KIF13A: variants seen among roughly 807,000 people sequenced by gnomAD.
KIF13A encodes kinesin-like protein KIF13A.
A neutral mutation model predicts 212.2 loss-of-function variants in KIF13A; 79 were observed. That is an observed-to-expected ratio of 0.37 (90% CI 0.31 to 0.45). The LOEUF is 0.45. KIF13A is among the 20% of genes least tolerant of loss of function. The pLI, the probability that KIF13A is intolerant of heterozygous loss-of-function variation, is 1.00. For missense variants in KIF13A, 1,901 were observed against 2,209.0 expected (o/e 0.86, Z 2.79); for synonymous variants, 789 against 808.6 (o/e 0.98, Z 0.41).
At chr6:17,866,828 CATATATATAT>C (rs60217235) in intron 4 of KIF13A, among the ~76,000 whole-genome samples, 402 of 22,842 alleles carry the variant, frequency 0.018, 3 homozygotes, top group African/African-American at 0.032. Flanking sequence ...AAAAGCAGCG[CATATATATAT>C]ATATATATAT....
chr6:17,861,120 A>T (rs1391805416), intron 4 of KIF13A, among the ~76,000 whole-genome samples: 1 of 152,220 alleles, frequency 6.6e-6, no homozygotes, highest in Non-Finnish European at 1.5e-5. Context: ...CATATTTAGT[A>T]AAGTTTTATT....
intron 2 of KIF13A, among the ~76,000 whole-genome samples, chr6:17,956,845 AC>A (rs1363782234): frequency 3.3e-5 from 5 of 152,000 alleles, no homozygotes; most frequent in Non-Finnish European, 7.4e-5. Context: ...GAGTTTCCCC[AC>A]TCAGTCTACT....
rs746579919 is a variant in KIF13A at position 17,786,324 on chromosome 6, C to T, written c.3362-683G>A. On this transcript the variant is annotated intron_variant, in intron 27 of 38. Coordinates refer to ENST00000259711, the MANE Select transcript of KIF13A (RefSeq NM_022113.6). This position sits in a 1 kb window ranked among gnomAD's most constrained non-coding sequence, Gnocchi z 5.4. ...GGATTAAAAAACACCATAGGCCGGG[C>T]ACGGTGGCTCACGGCTGTAACCCCA... Among the ~76,000 whole-genome samples, 1 of 152,164 alleles carries T rather than the reference C, an allele frequency of 6.6e-6. No homozygotes were observed. The highest frequency in any genetic ancestry group is 1.5e-5 in the Non-Finnish European group (1 of 68,034).
intron 26 of KIF13A, among the ~76,000 whole-genome samples, 192 bp from the exon 27 acceptor site, chr6:17,788,067 T>C (rs1468559487): frequency 2.0e-5 from 3 of 152,172 alleles, no homozygotes; most frequent in Non-Finnish European, 2.9e-5. Flanking sequence ...AGGATGCTGT[T>C]ACCCAGAAAT....
intron 2 of KIF13A, among the ~76,000 whole-genome samples, chr6:17,959,550 A>C (rs371559256): frequency 1.4e-3 from 218 of 152,358 alleles, no homozygotes; most frequent in African/African-American, 5.0e-3. Flanking sequence ...AGAAACAGGC[A>C]GTCAGTGTAA....
intron 4 of KIF13A, among the ~76,000 whole-genome samples, chr6:17,859,639 T>TATATATATATATA (rs201918014): frequency 1.4e-5 from 1 of 72,820 alleles, no homozygotes; most frequent in African/African-American, 7.7e-5. Flanking sequence ...TATATATATA[T>TATATATATATATA]TTTTTTTTTT....
chr6:17,829,717 A>T lies in KIF13A; in HGVS notation c.1402-1347T>A, dbSNP rs888062129. On this transcript the variant is annotated intron_variant, in intron 13 of 38. Transcript: ENST00000259711. This position sits in a 1 kb window ranked among gnomAD's most constrained non-coding sequence, Gnocchi z 5.4. ...TTTCAAAATCAGGATTTCAGAGACA[A>T]TTCCTTACCCCTACTCATTGCCTAA... 4.9e-4 allele frequency among the ~76,000 whole-genome samples: 75 copies of T among 152,286 alleles called. No homozygotes were observed. Among genetic ancestry groups the T allele is most frequent in the African/African-American group, 1.7e-3 (70 of 41,578 alleles).
At position 17,799,996 on chromosome 6, in the gene KIF13A, T is replaced by C. The variant is rs1159821821; in HGVS notation, c.2572A>G (p.Ser858Gly). The C allele has an allele frequency of 6.2e-7, 1 of 1,614,038 alleles. No homozygotes were observed. Among genetic ancestry groups the C allele is most frequent in the Admixed American group, 1.7e-5 (1 of 60,024 alleles). ...SESGSLEVVD[S>G]SGEIIHRVKK... is the part of the protein sequence containing the mutation. ...ACTCGGTGAATGATTTCCCCGCTGC[T>C]GTCTACGACTTCAAGGCTCCCACTT... Residue 858 changes from serine (S) to glycine (G), a missense_variant, in exon 21 of 39, where the codon AGC becomes GGC. This residue lies in a region of KIF13A where 534 missense variants were observed against 536.9 expected (regional missense o/e 0.99). Coordinates refer to ENST00000259711, the MANE Select transcript of KIF13A (RefSeq NM_022113.6). The surrounding 1 kb of genome is among the most constrained non-coding windows in gnomAD (Gnocchi z 4.4).
intron 2 of KIF13A, among the ~76,000 whole-genome samples, chr6:17,945,522 G>GA (rs930171683): frequency 6.0e-5 from 9 of 150,958 alleles, no homozygotes; most frequent in East Asian, 1.9e-4. Flanking sequence ...ACTTGTGATA[G>GA]AAAAAAAAAT....
At chr6:17,925,037 A>G (rs754910619) in intron 2 of KIF13A, among the ~76,000 whole-genome samples, 71 of 152,178 alleles carry the variant, frequency 4.7e-4, no homozygotes, top group Admixed American at 1.8e-3. Context: ...ATCAAATTAA[A>G]TTCCCTTCTT....
At chr6:17,766,219 G>GATTGATTTATTTATTTATTT (rs1554158989) in intron 38 of KIF13A, among the ~76,000 whole-genome samples, 9 of 144,654 alleles carry the variant, frequency 6.2e-5, no homozygotes, top group African/African-American at 2.3e-4. Context: ...TTATTTTTAA[G>GATTGATTTATTTATTTATTT]ATTTATTTAT....
intron 3 of KIF13A, among the ~76,000 whole-genome samples, chr6:17,891,348 T>C (rs529173040): frequency 1.3e-3 from 201 of 152,360 alleles, no homozygotes; most frequent in Non-Finnish European, 1.9e-3. Context: ...CAGAAACTTA[T>C]GTACATTTCC....
intron 2 of KIF13A, among the ~76,000 whole-genome samples, chr6:17,956,228 T>C (rs1260982995): frequency 6.6e-6 from 1 of 152,204 alleles, no homozygotes; most frequent in Non-Finnish European, 1.5e-5. Context: ...GATCACACAG[T>C]AATAAGTGAA....
Position 17,837,747 on chromosome 6 carries a change from T to C in KIF13A, c.831-164A>G, listed in dbSNP as rs1290689345. On this transcript the variant is annotated intron_variant, in intron 9 of 38. Transcript: ENST00000259711. The surrounding 1 kb of genome is among the most constrained non-coding windows in gnomAD (Gnocchi z 5.4). ...TGGATGAATCACTTGAGGCCAGGGG[T>C]TTGAGACCACCCTGGCCAACATGGT... Among the ~76,000 whole-genome samples the C allele has an allele frequency of 6.6e-6, 1 of 151,040 alleles. No homozygotes were observed. Among genetic ancestry groups the C allele is most frequent in the African/African-American group, 2.4e-5 (1 of 41,024 alleles).
rs745724511 is a variant in KIF13A at position 17,773,269 on chromosome 6, AT to A, written c.4324+208del. Among the ~76,000 whole-genome samples, 6 of 152,250 alleles carry A rather than the reference AT, an allele frequency of 3.9e-5. No homozygotes were observed. Among genetic ancestry groups the A allele is most frequent in the Non-Finnish European group, 8.8e-5 (6 of 68,048 alleles). On this transcript the variant is annotated intron_variant, in intron 36 of 38. Coordinates refer to ENST00000259711, the MANE Select transcript of KIF13A (RefSeq NM_022113.6). The surrounding 1 kb of genome is among the most constrained non-coding windows in gnomAD (Gnocchi z 4.2). ...TTCTAAAGTAATACACAAAAAGTCTATGATTATTTGGGTGATATGTTGGATA... is the reference window on the plus strand; with the variant it reads ...TTCTAAAGTAATACACAAAAAGTCTAGATTATTTGGGTGATATGTTGGATA...
At chr6:17,831,475 A>C (rs1255089445) in intron 12 of KIF13A, among the ~76,000 whole-genome samples, 1 of 151,824 alleles carries the variant, frequency 6.6e-6, no homozygotes, top group Non-Finnish European at 1.5e-5. Flanking sequence ...AATCTAGTAG[A>C]GGGAACAAGA....
In KIF13A at chr6:17,764,276, G is replaced by A. The variant is rs371892687; in HGVS notation, c.5252C>T (p.Thr1751Ile). Residue 1751 changes from threonine (T) to isoleucine (I), a missense_variant, in exon 39 of 39, where the codon ACA (threonine) becomes ATA (isoleucine). Transcript: ENST00000259711. The surrounding 1 kb of genome is among the most constrained non-coding windows in gnomAD (Gnocchi z 5.1). ...VSEGKDFDGLTDSSAGELSSR... is the reference protein window; with the variant it reads ...VSEGKDFDGLIDSSAGELSSR... ...GGAAAGCTCTCCAGCAGAAGAATCTGTCAAACCATCAAAATCTTTTCCCTC... is the reference window on the plus strand; with the variant it reads ...GGAAAGCTCTCCAGCAGAAGAATCTATCAAACCATCAAAATCTTTTCCCTC... The A allele has an allele frequency of 1.7e-5, 28 of 1,613,878 alleles. No homozygotes were observed. The highest frequency in any genetic ancestry group is 1.6e-4 in the Middle Eastern group (1 of 6,084).
chr6:17,821,872 C>G, intron 16 of KIF13A: 1 of 1,535,208 alleles, frequency 6.5e-7, no homozygotes, highest in Non-Finnish European at 8.7e-7. Flanking sequence ...AGGGGATGAC[C>G]ACCAGGCAGA....
At chr6:17,760,829 G>A, downstream of KIF13A, 1 of 1,612,838 alleles carries the variant, frequency 6.2e-7, no homozygotes, top group Middle Eastern at 1.7e-4. Context: ...ACGCCAAGCT[G>A]TGGCCTGAGG....
Sources: gnomAD v4.1 joint callset for allele counts (sites outside exome capture counted in the v4.1 genomes callset) on GRCh38, gnomAD v4.1.1 for gene constraint, gnomAD v4.1.1 regional missense constraint, Gnocchi (gnomAD v3.1) non-coding constraint, MANE v1.5 for transcripts, NCBI Gene and HGNC (gene_info 2026-07-23, HGNC 2026-07-21) for gene names.